The following CCDC171 variants were observed in gnomAD, a reference collection of about 807,000 sequenced individuals.
CCDC171 encodes coiled-coil domain containing 171, also known as coiled-coil domain-containing protein 171.
In CCDC171, 177 loss-of-function variants were observed where a neutral mutation model predicts 168.2. The observed-to-expected ratio is 1.05, with a 90% CI of 0.93 to 1.19. The LOEUF is 1.19. CCDC171 is among the 50% of genes most tolerant of loss of function. The pLI is 0.00. For synonymous variants in CCDC171, 687 were observed against 540.8 expected (o/e 1.27, Z -3.75); for missense variants, 1,991 against 1,539.0 (o/e 1.29, Z -4.91).
intron 21 of CCDC171, among the ~76,000 whole-genome samples, chr9:15,834,033 C>T (rs1588746366): frequency 6.6e-6 from 1 of 152,004 alleles, no homozygotes; most frequent in Non-Finnish European, 1.5e-5. Flanking sequence ...ACAGATATTC[C>T]AAGGTTAACT....
chr9:15,874,169 G>A (rs181807887), intron 23 of CCDC171, among the ~76,000 whole-genome samples: 74 of 152,154 alleles, frequency 4.9e-4, no homozygotes, highest in Admixed American at 4.5e-3. Flanking sequence ...ATGTTACTAA[G>A]CAGGTGATAA....
chr9:15,618,772 C>T (rs1012517187), intron 6 of CCDC171, among the ~76,000 whole-genome samples: 2 of 152,186 alleles, frequency 1.3e-5, no homozygotes, highest in African/African-American at 4.8e-5. Context: ...GTTGCCCTAG[C>T]TCCTTGCACT....
chr9:16,013,391 C>G (rs1175855344), intron 3 of CCDC171, among the ~76,000 whole-genome samples: 1 of 152,048 alleles, frequency 6.6e-6, no homozygotes, highest in Non-Finnish European at 1.5e-5. Context: ...CTCTTTATAT[C>G]ATTGTGCTGC....
chr9:15,992,630 A>G (rs1375984264), intron 3 of CCDC171, among the ~76,000 whole-genome samples: 6 of 152,216 alleles, frequency 3.9e-5, no homozygotes, highest in Admixed American at 6.5e-5. Context: ...AGGGTATTCA[A>G]CTACGAAAAG....
intron 23 of CCDC171, among the ~76,000 whole-genome samples, chr9:15,866,719 A>G (rs1022733819): frequency 1.3e-5 from 2 of 152,044 alleles, no homozygotes; most frequent in African/African-American, 4.8e-5. Context: ...CAGTATAGCA[A>G]TTGACAGGAG....
chr9:15,650,213 C>G (rs769711100), intron 7 of CCDC171, among the ~76,000 whole-genome samples: 1 of 152,030 alleles, frequency 6.6e-6, no homozygotes, highest in African/African-American at 2.4e-5. Context: ...AACACTTGGA[C>G]ACAGGATGGG....
intron 11 of CCDC171, among the ~76,000 whole-genome samples, chr9:15,714,048 A>G (rs1210447377): frequency 4.6e-5 from 7 of 152,150 alleles, no homozygotes; most frequent in South Asian, 4.1e-4. Context: ...GAAACTGCAT[A>G]TTTAATTGCA....
chr9:15,849,014 C>A, intron 23 of CCDC171, 67 bp downstream of exon 23: 1 of 744,550 alleles, frequency 1.3e-6, no homozygotes. Context: ...TTTTATTAGC[C>A]ACAAAGTACT....
At chr9:15,812,395 C>A (rs890347842) in intron 21 of CCDC171, among the ~76,000 whole-genome samples, 11 of 152,146 alleles carry the variant, frequency 7.2e-5, no homozygotes, top group Non-Finnish European at 1.3e-4. Context: ...GGCACATGCA[C>A]TGGTTGGAAG....
intron 11 of CCDC171, among the ~76,000 whole-genome samples, chr9:15,721,566 A>G (rs1009907142): frequency 6.8e-6 from 1 of 147,898 alleles, no homozygotes; most frequent in African/African-American, 2.5e-5. Flanking sequence ...GACTATTAAT[A>G]CTTGGCCATA....
the CCDC171 span, among the ~76,000 whole-genome samples, chr9:16,069,183 TAAGAA>T: frequency 2.0e-5 from 3 of 152,196 alleles, no homozygotes; most frequent in African/African-American, 7.2e-5. Flanking sequence ...GTTAAAATCA[TAAGAA>T]AAGACTAATT....
At chr9:16,090,629 TG>T in the CCDC171 span, among the ~76,000 whole-genome samples, 3 of 152,260 alleles carry the variant, frequency 2.0e-5, no homozygotes, top group East Asian at 5.8e-4. Context: ...AAACCAATGG[TG>T]GCCTCACTTT....
chr9:15,677,925 T>TATATATATATATATATATATAAA (rs59883669), intron 9 of CCDC171, among the ~76,000 whole-genome samples: 1 of 41,862 alleles, frequency 2.4e-5, no homozygotes, highest in African/African-American at 1.0e-4. Context: ...TATATATATA[T>TATATATATATATATATATATAAA]AAGAGATGTG....
chr9:15,950,078 A>G (rs1450823514), intron 25 of CCDC171, among the ~76,000 whole-genome samples: 2 of 152,172 alleles, frequency 1.3e-5, no homozygotes, highest in African/African-American at 4.8e-5. Context: ...TTAGACGAAA[A>G]AGAATAAAAA....
rs143795849 is a variant in CCDC171, at chr9:15,912,456, G to T, written c.3601-7814G>T. 5.3e-5 allele frequency among the ~76,000 whole-genome samples: 8 copies of T among 152,278 alleles called. No individual in the cohort carries two copies. The East Asian group carries it at 7.7e-4, about 15-fold the overall frequency. ...GCTTAAGGAGTTTTGGGACTGAGAC[G>T]ATGGGGTTTTTTTAATATACAGTCA... On this transcript the variant is annotated intron_variant, in intron 24 of 25. Transcript: ENST00000380701.
chr9:15,825,789 G>A (rs755807945), intron 21 of CCDC171, among the ~76,000 whole-genome samples: 29 of 152,152 alleles, frequency 1.9e-4, no homozygotes, highest in Non-Finnish European at 3.8e-4. Context: ...CTAGTTAGCT[G>A]TCAAATGATT....
intron 25 of CCDC171, among the ~76,000 whole-genome samples, chr9:15,932,812 T>C (rs1355886740): frequency 6.6e-6 from 1 of 151,946 alleles, no homozygotes; most frequent in Non-Finnish European, 1.5e-5. Flanking sequence ...TTTATCATGA[T>C]AGATTTTGAA....
chr9:15,598,091 A>C (rs2042520831), intron 6 of CCDC171, among the ~76,000 whole-genome samples: 1 of 152,144 alleles, frequency 6.6e-6, no homozygotes, highest in East Asian at 1.9e-4. Context: ...GATCTTTTCA[A>C]AAAACCACCT....
intron 21 of CCDC171, among the ~76,000 whole-genome samples, chr9:15,840,927 C>G (rs2060652791): frequency 6.6e-6 from 1 of 151,950 alleles, no homozygotes; most frequent in South Asian, 2.1e-4. Context: ...TATGAAGTTC[C>G]TTTTTATTCC....
Sources: allele counts gnomAD v4.1 joint callset (sites outside exome capture counted in the v4.1 genomes callset), GRCh38; gene constraint gnomAD v4.1.1; transcripts MANE v1.5; gene names NCBI Gene and HGNC (gene_info 2026-07-23, HGNC 2026-07-21).